The following C1orf21 variants were observed in gnomAD, a reference collection of about 807,000 sequenced individuals.
C1orf21 encodes chromosome 1 open reading frame 21.
A neutral mutation model predicts 18.7 loss-of-function variants in C1orf21; 3 were observed. The ratio of observed to expected loss-of-function variants is 0.16; its 90% CI spans 0.07 to 0.42. The LOEUF is 0.42. Ranked by LOEUF, C1orf21 falls within the 10% of genes least tolerant of loss-of-function variation. The pLI, the probability that C1orf21 is intolerant of heterozygous loss-of-function variation, is 0.99. For synonymous variants in C1orf21, 41 were observed against 46.4 expected (o/e 0.88, Z 0.47); for missense variants, 104 against 143.6 (o/e 0.72, Z 1.41).
chr1:184,434,138 T>C (rs886210302), intron 1 of C1orf21, among the ~76,000 whole-genome samples: 15 of 152,144 alleles, frequency 9.9e-5, no homozygotes, highest in African/African-American at 1.7e-4. Flanking sequence ...GATGGTTTCC[T>C]ATTTATTTTT....
In C1orf21 at chr1:184,460,713, C is replaced by CTTTTTTT. The variant is rs11393803; in HGVS notation, c.-124-16664_-124-16658dup. 2.3e-4 allele frequency among the ~76,000 whole-genome samples: 21 copies of CTTTTTTT among 90,724 alleles called. 1 individual carries two copies. Among genetic ancestry groups the CTTTTTTT allele is most frequent in the Non-Finnish European group, 3.6e-4 (16 of 44,266 alleles). 59.5% of individuals were successfully genotyped at this position (90,724 alleles called of 152,430 possible). A position where few individuals can be genotyped will look rare whatever the true frequency, so the allele number is the denominator to read the frequency against. On this transcript the variant is annotated intron_variant, in intron 1 of 5. Coordinates refer to ENST00000235307, the MANE Select transcript of C1orf21 (RefSeq NM_030806.4). ...TCTTCTTTCTTTTTTTCTCTTCTTC[C>CTTTTTTT]TTTTTTTTTTTTTTTAAGAAATGGG...
chr1:184,469,157 C>T (rs1025944620), intron 1 of C1orf21, among the ~76,000 whole-genome samples: 2 of 151,522 alleles, frequency 1.3e-5, no homozygotes, highest in African/African-American at 2.4e-5. Flanking sequence ...GGCTGAGGCA[C>T]GAGAATTGCT....
At chr1:184,610,662 C>T (rs748420989) in intron 5 of C1orf21, among the ~76,000 whole-genome samples, 54 of 152,004 alleles carry the variant, frequency 3.6e-4, no homozygotes, top group Non-Finnish European at 6.6e-4. Context: ...CTGGCTAACA[C>T]GATGAAATCC....
chr1:184,618,490 T>C (rs1156582119), intron 5 of C1orf21, among the ~76,000 whole-genome samples: 1 of 152,096 alleles, frequency 6.6e-6, no homozygotes, highest in Non-Finnish European at 1.5e-5. Flanking sequence ...TGCTTAAATA[T>C]TAGGAAAATG....
intron 1 of C1orf21, among the ~76,000 whole-genome samples, chr1:184,413,600 T>C (rs781419272): frequency 6.6e-6 from 1 of 152,194 alleles, no homozygotes; most frequent in Non-Finnish European, 1.5e-5. Context: ...ACTATGTTTC[T>C]GAAAAACGCC....
intron 1 of C1orf21, among the ~76,000 whole-genome samples, chr1:184,439,205 T>C (rs1171838557): frequency 1.3e-5 from 2 of 152,054 alleles, no homozygotes; most frequent in African/African-American, 4.8e-5. Flanking sequence ...AGCAAGACTC[T>C]GTCTCAAAGA....
chr1:184,550,908 A>G (rs1658803197), intron 3 of C1orf21, among the ~76,000 whole-genome samples: 1 of 152,246 alleles, frequency 6.6e-6, no homozygotes. Context: ...AGGTTGAGAT[A>G]GTTCAGTCAG....
At chr1:184,470,793 C>T (rs1252657153) in intron 1 of C1orf21, among the ~76,000 whole-genome samples, 2 of 151,984 alleles carry the variant, frequency 1.3e-5, no homozygotes, top group African/African-American at 4.8e-5. Context: ...GCAGGAGAAT[C>T]ACTTGAACCC....
At chr1:184,466,770 C>T (rs1657405940) in intron 1 of C1orf21, among the ~76,000 whole-genome samples, 1 of 151,484 alleles carries the variant, frequency 6.6e-6, no homozygotes, top group African/African-American at 2.4e-5. Flanking sequence ...ATTAGAGGTA[C>T]TAGTAAATAT....
intron 4 of C1orf21, among the ~76,000 whole-genome samples, chr1:184,595,866 G>T (rs1179216860): frequency 6.6e-6 from 1 of 152,140 alleles, no homozygotes; most frequent in Non-Finnish European, 1.5e-5. Context: ...ACTCTTCTTC[G>T]TGGGTTATGA....
intron 5 of C1orf21, among the ~76,000 whole-genome samples, chr1:184,611,209 T>G (rs1659732598): frequency 6.6e-6 from 1 of 152,234 alleles, no homozygotes; most frequent in Non-Finnish European, 1.5e-5. Context: ...GGGAGGAGAC[T>G]TTAACAGCAC....
intron 1 of C1orf21, among the ~76,000 whole-genome samples, chr1:184,416,677 T>G (rs912536414): frequency 1.3e-5 from 2 of 152,202 alleles, no homozygotes; most frequent in Admixed American, 6.5e-5. Flanking sequence ...ATCACCTACC[T>G]TATTTGGCAG....
At chr1:184,478,146 C>T (rs1657599956) in intron 2 of C1orf21, among the ~76,000 whole-genome samples, 2 of 151,902 alleles carry the variant, frequency 1.3e-5, no homozygotes, top group Non-Finnish European at 2.9e-5. Flanking sequence ...ATGGGGTGTC[C>T]TAGTAGAGGA....
At chr1:184,437,017 T>G (rs1056812011) in intron 1 of C1orf21, among the ~76,000 whole-genome samples, 1 of 152,106 alleles carries the variant, frequency 6.6e-6, no homozygotes, top group Non-Finnish European at 1.5e-5. Flanking sequence ...AAAAAGGAAT[T>G]GTTGACAACC....
intron 2 of C1orf21, among the ~76,000 whole-genome samples, chr1:184,501,980 A>C (rs1657982637): frequency 6.6e-6 from 1 of 152,240 alleles, no homozygotes; most frequent in Non-Finnish European, 1.5e-5. Context: ...ATCCAGTGTC[A>C]CTAGTAAATT....
intron 3 of C1orf21, among the ~76,000 whole-genome samples, chr1:184,583,219 T>C (rs1419156045): frequency 2.6e-5 from 4 of 152,282 alleles, no homozygotes; most frequent in African/African-American, 4.8e-5. Flanking sequence ...ATTGGGAAGC[T>C]CGCGACAACA....
At chr1:184,405,165 G>T (rs1261821945) in intron 1 of C1orf21, among the ~76,000 whole-genome samples, 20 of 151,908 alleles carry the variant, frequency 1.3e-4, no homozygotes, top group Admixed American at 1.3e-3. Flanking sequence ...TCATTATTTG[G>T]CATGTTTTTA....
At chr1:184,551,272 A>T (rs1345177078) in intron 3 of C1orf21, among the ~76,000 whole-genome samples, 1 of 152,224 alleles carries the variant, frequency 6.6e-6, no homozygotes, top group Admixed American at 6.5e-5. Flanking sequence ...CAGGAGAAAA[A>T]AATGACTACC....
At chr1:184,603,108 C>A (rs909327674) in intron 5 of C1orf21, among the ~76,000 whole-genome samples, 1 of 152,208 alleles carries the variant, frequency 6.6e-6, no homozygotes. Context: ...GGAGCCTGGC[C>A]ATGGGCCCCA....
Sources: gnomAD v4.1 joint callset for allele counts (sites outside exome capture counted in the v4.1 genomes callset) on GRCh38, gnomAD v4.1.1 for gene constraint, MANE v1.5 for transcripts, NCBI Gene and HGNC (gene_info 2026-07-23, HGNC 2026-07-21) for gene names.